Variants in TTN observed in about 807,000 individuals in gnomAD.
The protein encoded by TTN is titin.
A neutral mutation model predicts 3,223.0 loss-of-function variants in TTN; 1,525 were observed. That is an observed-to-expected ratio of 0.47 (90% CI 0.45 to 0.49). The LOEUF (loss-of-function observed/expected upper bound fraction) is 0.49. TTN is among the 20% of genes least tolerant of loss of function. The pLI, the probability that TTN is intolerant of heterozygous loss-of-function variation, is 0.00. For synonymous variants in TTN, 14,094 were observed against 15,161.0 expected (o/e 0.93, Z 5.17); for missense variants, 40,786 against 43,424.0 (o/e 0.94, Z 5.40).
chr2:178,574,005 C>T lies in TTN; in HGVS notation c.72127G>A (p.Ala24043Thr). 6.2e-7 allele frequency: 1 copy of T among 1,613,380 alleles called. No homozygotes were observed. Among genetic ancestry groups the T allele is most frequent in the Non-Finnish European group, 8.5e-7 (1 of 1,179,612 alleles). ...GCTTCCAGTCTGAATGCTTCACCTG[C>T]TTTTAATATAACCGTGTCCTTAAAT... Reference protein sequence around the residue: ...VKFKDTVILKAGEAFRLEADV... With the variant: ...VKFKDTVILKTGEAFRLEADV... Residue 24043 changes from alanine (A) to threonine (T), a missense_variant, in exon 326 of 363, where the codon GCA becomes ACA. By Grantham distance (58) the Ala-to-Thr change is moderately conservative. Transcript: ENST00000589042.
Position 178,675,993 on chromosome 2 carries a change from G to A in TTN, c.34381C>T (p.Pro11461Ser). 1 of 1,595,934 alleles carries A rather than the reference G, an allele frequency of 6.3e-7. No homozygotes were observed. The change falls in exon 148 of 363, where the codon CCT (proline) becomes TCT (serine). Residue 11461 changes from proline to serine, a missense_variant and splice_region_variant. By Grantham distance (74) the Pro-to-Ser change is moderately conservative. Transcript: ENST00000589042. ...TCTGTCACTTTCTTCTTAATTTCAG[G>A]CACTTTAAAGACATCATTTCATGAT... ...KVEPPPPPKV[P>S]EIKKKVTEKK... is the part of the protein sequence containing the mutation.
chr2:178,745,194 T>A (rs1490190501), intron 47 of TTN: 4 of 1,004,380 alleles, frequency 4.0e-6, no homozygotes, highest in African/African-American at 1.7e-5. Context: ...GTCTGCGTGG[T>A]CATCTGATAT....
intron 239 of TTN, among the ~76,000 whole-genome samples, 152 bp downstream of exon 239, chr2:178,630,089 T>C (rs777906151): frequency 2.0e-5 from 3 of 152,136 alleles, no homozygotes; most frequent in Non-Finnish European, 2.9e-5. Context: ...ACCACTTCTG[T>C]ATTGGAATGT....
Position 178,561,063 on chromosome 2 carries a change from C to T in TTN, c.85069G>A (p.Val28357Ile). ...TCTCGGAACTTGACATCCATCATAA[C>T]TCTTGGAGGCTCAACATCATCTTTA... is the stretch of plus-strand genomic sequence containing the variant. ...IVKDDVEPPR[V>I]MMDVKFRDVI... The change falls in exon 326 of 363, where the codon GTT (valine) becomes ATT (isoleucine). Residue 28357 changes from valine to isoleucine, a missense_variant. Val to Ile is a conservative substitution (Grantham distance 29). Coordinates refer to ENST00000589042, the MANE Select transcript of TTN (RefSeq NM_001267550.2). 1 of 1,613,846 alleles carries T rather than the reference C, an allele frequency of 6.2e-7. No individual in the cohort carries two copies. Among genetic ancestry groups the T allele is most frequent in the Non-Finnish European group, 8.5e-7 (1 of 1,179,804 alleles).
intron 295 of TTN, 76 bp from the exon 296 acceptor site, chr2:178,594,722 CT>C: frequency 8.1e-7 from 1 of 1,232,816 alleles, no homozygotes. Context: ...GTGAATATTC[CT>C]TTTCTGAAGA....
chr2:178,730,074 G>A lies in TTN; in HGVS notation c.18307+19C>T, dbSNP rs1388715476. 4 of 1,596,184 alleles carry A rather than the reference G, an allele frequency of 2.5e-6. No individual in the cohort carries two copies. The highest frequency in any genetic ancestry group is 3.4e-6 in the Non-Finnish European group (4 of 1,171,574). ...AAAATCTAGACAAGCAAGAAAGTGAGGAGATGTAGAGACCAGACCTTTTAC... is the reference window on the plus strand; with the variant it reads ...AAAATCTAGACAAGCAAGAAAGTGAAGAGATGTAGAGACCAGACCTTTTAC... On this transcript the variant is annotated intron_variant, in intron 62 of 362. Transcript: ENST00000589042.
chr2:178,713,449 G>C, intron 92 of TTN, 77 bp from the exon 93 acceptor site: 1 of 1,437,486 alleles, frequency 7.0e-7, no homozygotes, highest in Non-Finnish European at 9.1e-7. Context: ...GACTTGAAGA[G>C]AGAACTGTCT....
At position 178,548,700 on chromosome 2, in the gene TTN, CTG is replaced by C; in HGVS notation, c.92924_92925del (p.Thr30975ArgfsTer15). 6.2e-7 allele frequency: 1 copy of C among 1,613,872 alleles called. No individual in the cohort carries two copies. Among genetic ancestry groups the C allele is most frequent in the East Asian group, 2.2e-5 (1 of 44,876 alleles). ...NLSLRADIHTTDSFSTLTVEN... is the reference protein window; with the variant it reads ...NLSLRADIHTXDSFSTLTVEN... ...TCCACAGTGAGGGTGCTGAAGGAAT[CTG>C]TTGTATGGATATCAGCCCGAAGGCT... On this transcript the variant is annotated frameshift_variant, in exon 339 of 363. Transcript: ENST00000589042. LOFTEE classifies it high-confidence loss of function. This position sits in a 1 kb window ranked among gnomAD's most constrained non-coding sequence, Gnocchi z 4.3.
chr2:178,778,515 A>T (rs1386345247), intron 24 of TTN: 2 of 336,654 alleles, frequency 5.9e-6, no homozygotes, highest in African/African-American at 4.3e-5. Flanking sequence ...GAATTAAGAC[A>T]ATTTTCATAG....
chr2:178,624,827 T>C (rs2058788382), intron 241 of TTN, 96 bp from the exon 242 acceptor site: 8 of 1,420,006 alleles, frequency 5.6e-6, no homozygotes, highest in Non-Finnish European at 9.6e-7. Context: ...AGGGCTTTGT[T>C]CTGTCCTAAG....
intron 46 of TTN, among the ~76,000 whole-genome samples, chr2:178,754,470 G>A (rs1181827427): frequency 1.3e-5 from 2 of 151,908 alleles, no homozygotes; most frequent in African/African-American, 4.8e-5. Flanking sequence ...GAGATCCTAG[G>A]GCAAAAGAGC....
At position 178,739,857 on chromosome 2, in the gene TTN, A is replaced by T; in HGVS notation, c.13376T>A (p.Ile4459Asn). Residue 4459 changes from isoleucine to asparagine, a missense_variant, in exon 48 of 363, where the codon ATT becomes AAT. Ile to Asn is a moderately radical substitution (Grantham distance 149). Coordinates refer to ENST00000589042, the MANE Select transcript of TTN (RefSeq NM_001267550.2). ...KSVTEEVTII[I>N]EDVDPQMANL... is the part of the protein sequence containing the mutation. The stretch of plus-strand genomic sequence containing the variant: ...AGCCATTTGAGGATCAACATCTTCA[A>T]TAATGATGGTTACTTCTTCTGTTAC... The T allele has an allele frequency of 6.2e-7, 1 of 1,613,922 alleles. No homozygotes were observed. The highest frequency in any genetic ancestry group is 8.5e-7 in the Non-Finnish European group (1 of 1,179,834).
rs1254687485 is a variant in TTN, at chr2:178,704,543, G to A, written c.29929C>T (p.Pro9977Ser). 3 of 1,612,482 alleles carry A rather than the reference G, an allele frequency of 1.9e-6. No homozygotes were observed. The highest frequency in any genetic ancestry group is 2.5e-6 in the Non-Finnish European group (3 of 1,179,132). ...GTTAGTTTAGCGCTAGCGATGTGTG[G>A]ACCACAAACCAATCGATAATTGCCC... ...DQGNYRLVCG[P>S]HIASAKLTVI... Residue 9977 changes from proline to serine, a missense_variant, in exon 105 of 363, where the codon CCA becomes TCA. By Grantham distance (74) the Pro-to-Ser change is moderately conservative. Coordinates refer to ENST00000589042, the MANE Select transcript of TTN (RefSeq NM_001267550.2).
In TTN at chr2:178,773,125, T is replaced by C; in HGVS notation, c.7839A>G (p.Gly2613=). The change falls in exon 33 of 363, where the codon GGA becomes GGG. Residue 2613 remains glycine, a synonymous_variant. Transcript: ENST00000589042. ...TATACCAACCTGCCACAGTAAGTTT[T>C]CCAGATGTCATATTTTCTCCCGCGT... ...TFYAGENMTS[G]KLTVAGGAIS... is the part of the protein sequence containing the mutation. 6.2e-7 allele frequency: 1 copy of C among 1,613,924 alleles called. No homozygotes were observed. The highest frequency in any genetic ancestry group is 1.7e-4 in the Middle Eastern group (1 of 6,058).
chr2:178,552,896 G>T lies in TTN; in HGVS notation c.90004C>A (p.Pro30002Thr). ...FKLIDLSEKTPFFFRVLAENE... is the reference protein window; with the variant it reads ...FKLIDLSEKTTFFFRVLAENE... Reference sequence around the variant, plus strand: ...TCTGCAAGAACTCTGAAGAAGAATGGAGTCTTCTCCGACAAATCTATTAGC... The same window carrying T: ...TCTGCAAGAACTCTGAAGAAGAATGTAGTCTTCTCCGACAAATCTATTAGC... The change falls in exon 335 of 363, where the codon CCA (proline) becomes ACA (threonine). Residue 30002 changes from proline to threonine, a missense_variant. Pro to Thr is a conservative substitution (Grantham distance 38). Coordinates refer to ENST00000589042, the MANE Select transcript of TTN (RefSeq NM_001267550.2). 1 of 1,613,724 alleles carries T rather than the reference G, an allele frequency of 6.2e-7. No individual in the cohort carries two copies. Among genetic ancestry groups the T allele is most frequent in the South Asian group, 1.1e-5 (1 of 91,070 alleles).
chr2:178,613,058 G>T lies in TTN; in HGVS notation c.49663C>A (p.Pro16555Thr), dbSNP rs373572207. ...IKDPIDPPWP[P>T]GKPTVKDVGK... ...ACATCTTTTACAGTTGGTTTTCCAG[G>T]GGGCCATGGAGGATCTGCAAGCCAA... Residue 16555 changes from proline to threonine, a missense_variant, in exon 265 of 363, where the codon CCT (proline) becomes ACT (threonine). By Grantham distance (38) the Pro-to-Thr change is conservative. Transcript: ENST00000589042. 2.4e-5 allele frequency: 38 copies of T among 1,612,446 alleles called. No individual in the cohort carries two copies. Among genetic ancestry groups the T allele is most frequent in the Non-Finnish European group, 3.1e-5 (37 of 1,179,184 alleles).
rs906171198 is a variant in TTN, at chr2:178,624,345, T to C, written c.44815+120A>G. 3.1e-6 allele frequency: 4 copies of C among 1,270,376 alleles called. No individual in the cohort carries two copies. The African/African-American group carries it at 6.0e-5, about 19-fold the overall frequency. The allele number at this position is 1,270,376 out of a possible 1,614,324, so 78.7% of individuals were successfully genotyped here. On this transcript the variant is annotated intron_variant, in intron 242 of 362. Transcript: ENST00000589042. ...GATCAGGTTAGGTCAGTGTCAATAC[T>C]AGAAGTTGCCAAGAAATGCAGTTAG...
In TTN at chr2:178,534,911, C is replaced by T. The variant is rs762592218; in HGVS notation, c.101704G>A (p.Glu33902Lys). The change falls in exon 358 of 363, where the codon GAG (glutamate) becomes AAG (lysine). Residue 33902 changes from glutamate (E) to lysine (K), a missense_variant. By Grantham distance (56) the Glu-to-Lys change is moderately conservative. Transcript: ENST00000589042. ...TCAAAAGCACTTGTGTTAATGCGCT[C>T]AAATATGTCAAGTCCTGATATAAAC... is the stretch of plus-strand genomic sequence containing the variant. ...FEFISGLDIFERINTSAFELN... is the reference protein window; with the variant it reads ...FEFISGLDIFKRINTSAFELN... The T allele has an allele frequency of 2.5e-6, 4 of 1,610,236 alleles. No individual in the cohort carries two copies. The highest frequency in any genetic ancestry group is 1.1e-5 in the South Asian group (1 of 91,052).
chr2:178,583,266 G>T, intron 312 of TTN, 39 bp from the exon 313 acceptor site: 1 of 1,476,724 alleles, frequency 6.8e-7, no homozygotes, highest in Non-Finnish European at 9.0e-7. Flanking sequence ...TGTATGCAAA[G>T]CTATATTATG....
Sources: allele counts gnomAD v4.1 joint callset (sites outside exome capture counted in the v4.1 genomes callset), GRCh38; gene constraint gnomAD v4.1.1; non-coding constraint Gnocchi (gnomAD v3.1); transcripts MANE v1.5; gene names NCBI Gene and HGNC (gene_info 2026-07-23, HGNC 2026-07-21).